Variants in CP observed in about 807,000 individuals in gnomAD.
CP encodes the protein ceruloplasmin.
In CP, 64 loss-of-function variants were observed where a neutral mutation model predicts 122.4. That is an observed-to-expected ratio of 0.52 (90% CI 0.43 to 0.64). The LOEUF is 0.64. CP is among the 30% of genes least tolerant of loss of function. CP has a pLI of 0.00. For missense variants in CP, 1,167 were observed against 1,284.4 expected, an observed-to-expected ratio of 0.91 and a Z score of 1.40; for synonymous variants, 440 against 436.4, an observed-to-expected ratio of 1.01 and a Z score of -0.10.
intron 5 of CP, chr3:149,165,840 C>G (rs1724358955): frequency 1.1e-5 from 4 of 352,674 alleles, no homozygotes; most frequent in Non-Finnish European, 1.1e-5. Flanking sequence ...GTTGGGAGAC[C>G]TTTTGAGTGA....
chr3:149,216,469 G>A (rs1728464779), intron 1 of CP, among the ~76,000 whole-genome samples: 1 of 152,192 alleles, frequency 6.6e-6, no homozygotes, highest in South Asian at 2.1e-4. Context: ...CAGCTTCAGT[G>A]TGTGGACTCT....
intron 15 of CP, among the ~76,000 whole-genome samples, chr3:149,179,001 T>C (rs1295461887): frequency 6.6e-6 from 1 of 152,154 alleles, no homozygotes; most frequent in Admixed American, 6.5e-5. Flanking sequence ...CATAGATGAA[T>C]GAAATGTGTA....
At position 149,212,685 on chromosome 3, in the gene CP, T is replaced by C; in HGVS notation, c.160A>G (p.Ile54Val). ...CTATCTGGGCCATTTTGAAGATAGA[T>C]ATTGGAATGTTCCCTGCAAAGAAAA... ...LISVDTEHSN[I>V]YLQNGPDRIG... The change falls in exon 2 of 19, where the codon ATC becomes GTC. Residue 54 changes from isoleucine (I) to valine (V), a missense_variant. By Grantham distance (29) the Ile-to-Val change is conservative (BLOSUM62 3). Transcript: ENST00000264613. 1 of 1,613,732 alleles carries C rather than the reference T, an allele frequency of 6.2e-7. No individual in the cohort carries two copies. Among genetic ancestry groups the C allele is most frequent in the African/African-American group, 1.3e-5 (1 of 75,022 alleles).
At position 149,176,239 on chromosome 3, in the gene CP, T is replaced by G. The variant is rs767245235; in HGVS notation, c.3181+11A>C. The G allele has an allele frequency of 3.1e-6, 5 of 1,611,112 alleles. No individual in the cohort carries two copies. In the Admixed American group the frequency reaches 8.3e-5, roughly 27 times the overall value. On this transcript the variant is annotated intron_variant, in intron 18 of 18. Transcript: ENST00000264613. ...ATATATGGCTTCTAGAATTACTACC[T>G]GGATATTCACCTTCATTTTGTAGAA...
At position 149,210,401 on chromosome 3, in the gene CP, A is replaced by G. The variant is rs369768840; in HGVS notation, c.395-22T>C. 1.2e-4 allele frequency: 195 copies of G among 1,601,094 alleles called. 1 individual carries two copies. The Admixed American group carries it at 3.0e-3, about 25-fold the overall frequency. ...GCCCCTAGGAAGCAACATGCAATGA[A>G]GGTGCAAAGTGAATGTGTTTGAACT... On this transcript the variant is annotated intron_variant, in intron 2 of 18. Transcript: ENST00000264613.
chr3:149,168,106 G>A (rs545664844), downstream of CP: 12 of 680,454 alleles, frequency 1.8e-5, no homozygotes, highest in South Asian at 1.7e-4. Flanking sequence ...AACCATCTGG[G>A]GAGCTTATTT....
intron 12 of CP, 80 bp from the exon 13 acceptor site, chr3:149,183,685 A>C: frequency 1.9e-6 from 2 of 1,027,184 alleles, no homozygotes; most frequent in Non-Finnish European, 2.8e-6. Flanking sequence ...ATTTTGAATA[A>C]AAATATAGTT....
chr3:149,169,601 A>C (rs1367774598), downstream of CP, among the ~76,000 whole-genome samples: 1 of 152,188 alleles, frequency 6.6e-6, no homozygotes, highest in African/African-American at 2.4e-5. Flanking sequence ...TCTACTCATT[A>C]GATGCCAATA....
chr3:149,172,824 T>A lies in CP; in HGVS notation c.*890A>T, dbSNP rs1725137421. The A allele has an allele frequency of 6.5e-6, 1 of 152,838 alleles. No individual in the cohort carries two copies. The highest frequency in any genetic ancestry group is 1.5e-5 in the Non-Finnish European group (1 of 68,184). 9.5% of individuals were successfully genotyped at this position (152,838 alleles called of 1,614,324 possible). On this transcript the variant is annotated 3_prime_UTR_variant, in exon 19 of 19. Coordinates refer to ENST00000264613, the MANE Select transcript of CP (RefSeq NM_000096.4). ...GAAGTTTACAAAGCTAACTTTCTTCTTGTCTAGCTATTAACATGATTTGTC... is the reference window on the plus strand; with the variant it reads ...GAAGTTTACAAAGCTAACTTTCTTCATGTCTAGCTATTAACATGATTTGTC...
At chr3:149,194,324 C>T (rs764773735) in intron 9 of CP, among the ~76,000 whole-genome samples, 9 of 151,660 alleles carry the variant, frequency 5.9e-5, no homozygotes, top group Non-Finnish European at 1.2e-4. Flanking sequence ...CACCAACCTC[C>T]GCCTCCCGGG....
At chr3:149,205,531 T>C (rs547092515) in intron 6 of CP, among the ~76,000 whole-genome samples, 1 of 152,080 alleles carries the variant, frequency 6.6e-6, no homozygotes, top group Non-Finnish European at 1.5e-5. Flanking sequence ...CAAAATATGG[T>C]ATATACATAC....
At position 149,183,624 on chromosome 3, in the gene CP, TAAG is replaced by T; in HGVS notation, c.2286-22_2286-20del. ...TGAAACACTTAAAAAAAAAAACAAC[TAAG>T]GTTAGTATTTGTCTTAATGAAAATG... On this transcript the variant is annotated intron_variant, in intron 12 of 18. Coordinates refer to ENST00000264613, the MANE Select transcript of CP (RefSeq NM_000096.4). 6.9e-7 allele frequency: 1 copy of T among 1,444,662 alleles called. No individual in the cohort carries two copies. The highest frequency in any genetic ancestry group is 9.6e-7 in the Non-Finnish European group (1 of 1,039,720). 89.5% of individuals were successfully genotyped at this position (1,444,662 alleles called of 1,614,324 possible).
At position 149,213,633 on chromosome 3, in the gene CP, T is replaced by TGTGG. The variant is rs1240851748; in HGVS notation, c.147-936_147-935insCCAC. Reference sequence around the variant, plus strand: ...AATAAAAACTGCTCATCATCATGGGTGTGTGTGTGTGTGTGTGTGTGTGTG... The same window carrying TGTGG: ...AATAAAAACTGCTCATCATCATGGGTGTGGGTGTGTGTGTGTGTGTGTGTGTGTG... On this transcript the variant is annotated intron_variant, in intron 1 of 18. Transcript: ENST00000264613. Among the ~76,000 whole-genome samples, 36 of 3,214 alleles carry TGTGG rather than the reference T, an allele frequency of 0.011. No homozygotes were observed. The Admixed American group carries it at 0.11, about 10-fold the overall frequency. 2.1% of individuals were successfully genotyped at this position (3,214 alleles called of 152,430 possible).
At chr3:149,200,798 C>T (rs1727253026) in intron 7 of CP, among the ~76,000 whole-genome samples, 1 of 152,106 alleles carries the variant, frequency 6.6e-6, no homozygotes, top group Admixed American at 6.5e-5. Context: ...GCATGAGCCA[C>T]CGCGCCCAGC....
At chr3:149,166,904 G>A (rs1398805975) in intron 4 of CP, 5 of 740,014 alleles carry the variant, frequency 6.8e-6, no homozygotes, top group Non-Finnish European at 9.8e-6. Context: ...ACGTGCATGT[G>A]CTCTAATATG....
exon 6 of CP, chr3:149,162,830 T>G (rs1441126023): frequency 6.2e-7 from 1 of 1,613,930 alleles, no homozygotes; most frequent in Non-Finnish European, 8.5e-7. Context: ...GGAGATTGTC[T>G]AAGAGGCAGC....
Position 149,199,754 on chromosome 3 carries a change from C to T in CP, c.1459G>A (p.Glu487Lys), listed in dbSNP as rs1426965519. Residue 487 changes from glutamate to lysine, a missense_variant, in exon 8 of 19, where the codon GAG becomes AAG. By Grantham distance (56) the Glu-to-Lys change is moderately conservative (BLOSUM62 1). This residue lies in a region of CP where 642 missense variants were observed against 627.3 expected (regional missense o/e 1.02). Transcript: ENST00000264613. ...PIGVRFNKNN[E>K]GTYYSPNYNP... ...TAATTTGGGGAATAGTATGTGCCCT[C>T]GTTGTTCTTATTGAATCTCACCCCA... 3 of 1,614,088 alleles carry T rather than the reference C, an allele frequency of 1.9e-6. No individual in the cohort carries two copies. The highest frequency in any genetic ancestry group is 4.5e-5 in the East Asian group (2 of 44,872).
intron 10 of CP, 154 bp downstream of exon 10, chr3:149,187,898 C>T: frequency 1.3e-6 from 1 of 758,524 alleles, no homozygotes; most frequent in Non-Finnish European, 2.2e-6. Flanking sequence ...ACAGACACAT[C>T]AAATAACCAG....
At chr3:149,212,948 G>A (rs553181170) in intron 1 of CP, among the ~76,000 whole-genome samples, 1 of 152,262 alleles carries the variant, frequency 6.6e-6, no homozygotes, top group South Asian at 2.1e-4. Context: ...GAAATGTAGT[G>A]CATCTTACTG....
Sources: allele counts gnomAD v4.1 joint callset (sites outside exome capture counted in the v4.1 genomes callset), GRCh38; gene constraint gnomAD v4.1.1; regional missense constraint gnomAD v4.1.1; transcripts MANE v1.5; gene names NCBI Gene and HGNC (gene_info 2026-07-23, HGNC 2026-07-21).